CNKSR2: variants seen among roughly 807,000 people sequenced by gnomAD.
The protein encoded by CNKSR2 is CNK homolog protein 2.
CNKSR2 carries 14 observed loss-of-function variants against 84.4 expected under a neutral mutation model. The observed-to-expected ratio is 0.17, with a 90% CI of 0.11 to 0.26. The LOEUF is 0.26. Ranked by LOEUF, CNKSR2 falls within the 10% of genes least tolerant of loss-of-function variation. The pLI is 1.00. For missense variants in CNKSR2, 485 were observed against 771.2 expected, an observed-to-expected ratio of 0.63 and a Z score of 4.40; for synonymous variants, 275 against 277.9, an observed-to-expected ratio of 0.99 and a Z score of 0.10.
intron 20 of CNKSR2, among the ~76,000 whole-genome samples, chrX:21,622,453 C>T (rs1453902932): frequency 1.8e-5 from 2 of 111,079 alleles, no homozygotes; most frequent in African/African-American, 3.3e-5. Context: ...GGACAGTTTA[C>T]GTTTGTATTA....
chrX:21,634,438 C>T (rs1197977131), intron 20 of CNKSR2, among the ~76,000 whole-genome samples: 1 of 111,767 alleles, frequency 8.9e-6, no homozygotes, highest in Non-Finnish European at 1.9e-5. Flanking sequence ...TCCTTCTTGC[C>T]AGAGTTGCTA....
intron 8 of CNKSR2, among the ~76,000 whole-genome samples, chrX:21,512,937 C>T (rs1171795389): frequency 1.8e-5 from 2 of 111,395 alleles, no homozygotes; most frequent in Admixed American, 1.9e-4. Flanking sequence ...TAATCTTGGC[C>T]GAGAAAACAA....
intron 20 of CNKSR2, among the ~76,000 whole-genome samples, chrX:21,638,335 A>C (rs144791413): frequency 0.015 from 1,703 of 111,565 alleles, 30 homozygotes; most frequent in African/African-American, 0.052. Flanking sequence ...ATTTCTTCTT[A>C]TTATTTGGGC....
intron 9 of CNKSR2, among the ~76,000 whole-genome samples, chrX:21,524,884 T>A (rs1479820232): frequency 9.0e-6 from 1 of 111,421 alleles, no homozygotes; most frequent in East Asian, 2.8e-4. Context: ...TATTTTAAAG[T>A]CAGAAAGCTA....
At chrX:21,408,327 T>C (rs1443525591) in intron 1 of CNKSR2, among the ~76,000 whole-genome samples, 1 of 111,758 alleles carries the variant, frequency 8.9e-6, no homozygotes, top group Non-Finnish European at 1.9e-5. Flanking sequence ...ACAGCTGTCT[T>C]GAGTATAATT....
At chrX:21,462,928 G>A (rs1460958751) in intron 4 of CNKSR2, among the ~76,000 whole-genome samples, 8 of 109,710 alleles carry the variant, frequency 7.3e-5, no homozygotes, top group Admixed American at 6.8e-4. Context: ...GGATGGTCTC[G>A]ATCTCCTGAC....
intron 1 of CNKSR2, among the ~76,000 whole-genome samples, chrX:21,400,370 TA>T (rs907280085): frequency 2.7e-5 from 3 of 110,950 alleles, no homozygotes; most frequent in Non-Finnish European, 5.7e-5. Flanking sequence ...TTCTGATCAT[TA>T]AAAAAAGTCA....
At chrX:21,499,607 C>A (rs2091538091) in intron 7 of CNKSR2, among the ~76,000 whole-genome samples, 1 of 110,582 alleles carries the variant, frequency 9.0e-6, no homozygotes, top group Non-Finnish European at 1.9e-5. Context: ...CAGATATGAA[C>A]CATATATTAA....
intron 2 of CNKSR2, among the ~76,000 whole-genome samples, chrX:21,431,234 A>G (rs747782597): frequency 8.9e-6 from 1 of 111,933 alleles, no homozygotes; most frequent in East Asian, 2.8e-4. Context: ...TTGTTGACTT[A>G]ATAACATAGC....
chrX:21,562,034 A>C (rs2092195004), intron 12 of CNKSR2, among the ~76,000 whole-genome samples: 1 of 109,529 alleles, frequency 9.1e-6, no homozygotes, highest in Admixed American at 9.7e-5. Context: ...AATAGAAAAA[A>C]AAAAAACCGT....
chrX:21,649,800 T>A (rs1405143442), intron 21 of CNKSR2, among the ~76,000 whole-genome samples: 1 of 111,619 alleles, frequency 9.0e-6, no homozygotes, highest in Non-Finnish European at 1.9e-5. Context: ...AGAAGACATT[T>A]ATGCAGCCAA....
chrX:21,409,077 G>T (rs986161293), intron 1 of CNKSR2, among the ~76,000 whole-genome samples: 1 of 106,799 alleles, frequency 9.4e-6, no homozygotes, highest in Admixed American at 1.0e-4. Context: ...ATGAGTACAG[G>T]TTCTGGGCAA....
At chrX:21,540,594 A>G (rs188438608) in intron 11 of CNKSR2, among the ~76,000 whole-genome samples, 20 of 112,173 alleles carry the variant, frequency 1.8e-4, no homozygotes, top group African/African-American at 6.5e-4. Context: ...TGGTAATTTA[A>G]TCTCTTAGCA....
In CNKSR2 at chrX:21,618,213, A is replaced by T. The variant is rs189125560; in HGVS notation, c.2692+8596A>T. Among the ~76,000 whole-genome samples, 475 of 111,131 alleles carry T rather than the reference A, an allele frequency of 4.3e-3. 3 individuals carry two copies. The highest frequency in any genetic ancestry group is 0.015 in the African/African-American group (453 of 30,655). On this transcript the variant is annotated intron_variant, in intron 20 of 21. Coordinates refer to ENST00000379510, the MANE Select transcript of CNKSR2 (RefSeq NM_014927.5). ...TATAAAACACTGAACTTTCTACTAAACAATCTCTCCTATTTCCAGTGTTCT... is the reference window on the plus strand; with the variant it reads ...TATAAAACACTGAACTTTCTACTAATCAATCTCTCCTATTTCCAGTGTTCT...
intron 1 of CNKSR2, among the ~76,000 whole-genome samples, chrX:21,409,023 GA>G (rs1327343232): frequency 9.3e-6 from 1 of 106,977 alleles, no homozygotes; most frequent in Non-Finnish European, 1.9e-5. Context: ...AGATGTTATG[GA>G]GATTAATTTG....
In CNKSR2 at chrX:21,620,161, A is replaced by C. The variant is rs539747611; in HGVS notation, c.2692+10544A>C. 2.7e-5 allele frequency among the ~76,000 whole-genome samples: 3 copies of C among 111,506 alleles called. No individual in the cohort carries two copies. In the South Asian group the frequency reaches 1.1e-3, roughly 42 times the overall value. ...AAATACTGAATAGCTTTGCTGAATA[A>C]GTAACTGAAAAGGTGCCTTAACTGA... On this transcript the variant is annotated intron_variant, in intron 20 of 21. Coordinates refer to ENST00000379510, the MANE Select transcript of CNKSR2 (RefSeq NM_014927.5).
At chrX:21,383,384 T>A in intron 1 of CNKSR2, among the ~76,000 whole-genome samples, 1 of 112,930 alleles carries the variant, frequency 8.9e-6, no homozygotes, top group Middle Eastern at 4.6e-3. Context: ...CAGTAATAAC[T>A]GTTTTAGCTC....
chrX:21,608,283 G>A (rs2092529464), intron 19 of CNKSR2, among the ~76,000 whole-genome samples: 1 of 110,665 alleles, frequency 9.0e-6, no homozygotes, highest in Admixed American at 9.7e-5. Flanking sequence ...GACCTGGGCC[G>A]GTGTGTTTGT....
At chrX:21,543,274 C>G (rs2091992316) in intron 11 of CNKSR2, among the ~76,000 whole-genome samples, 2 of 112,241 alleles carry the variant, frequency 1.8e-5, no homozygotes, top group South Asian at 7.3e-4. Context: ...TTTTTGTGTT[C>G]AAGTAAAATG....
Sources: gnomAD v4.1 joint callset for allele counts (sites outside exome capture counted in the v4.1 genomes callset) on GRCh38, gnomAD v4.1.1 for gene constraint, MANE v1.5 for transcripts, NCBI Gene and HGNC (gene_info 2026-07-23, HGNC 2026-07-21) for gene names.